Variants in THSD4 observed in about 807,000 individuals in gnomAD.
The protein encoded by THSD4 is thrombospondin type-1 domain-containing protein 4.
In THSD4, 69 loss-of-function variants were observed where a neutral mutation model predicts 119.0. That is an observed-to-expected ratio of 0.58 (90% CI 0.48 to 0.71). The LOEUF is 0.71. THSD4 is among the 30% of genes least tolerant of loss of function. The pLI is 0.00. For synonymous variants in THSD4, 524 were observed against 540.4 expected (o/e 0.97, Z 0.42); for missense variants, 1,393 against 1,391.1 (o/e 1.00, Z -0.02).
At chr15:71,540,979 T>C (rs1054362958) in intron 7 of THSD4, among the ~76,000 whole-genome samples, 34 of 152,282 alleles carry the variant, frequency 2.2e-4, no homozygotes, top group Admixed American at 1.2e-3. Flanking sequence ...CACCTCAGCC[T>C]CCCAAAGTGC....
chr15:71,318,509 T>G (rs1175340392), intron 6 of THSD4, among the ~76,000 whole-genome samples: 1 of 152,196 alleles, frequency 6.6e-6, no homozygotes, highest in Non-Finnish European at 1.5e-5. Flanking sequence ...TAAAGGCTCC[T>G]GGAATAAGTA....
intron 7 of THSD4, among the ~76,000 whole-genome samples, chr15:71,460,649 G>A (rs560273178): frequency 2.0e-4 from 31 of 152,206 alleles, no homozygotes; most frequent in African/African-American, 5.3e-4. Context: ...TTCTCTCGAC[G>A]GGCTGGTAGC....
At chr15:71,659,730 T>C (rs1421931933) in intron 7 of THSD4, among the ~76,000 whole-genome samples, 4 of 152,146 alleles carry the variant, frequency 2.6e-5, no homozygotes, top group Non-Finnish European at 5.9e-5. Flanking sequence ...AATTTGTGTG[T>C]GCGACATAAA....
chr15:71,416,761 A>G (rs373651684), intron 7 of THSD4, among the ~76,000 whole-genome samples: 6 of 25,238 alleles, frequency 2.4e-4, no homozygotes, highest in Admixed American at 6.7e-4. Context: ...ATTTTATTTT[A>G]TTTTATTTTA....
intron 10 of THSD4, among the ~76,000 whole-genome samples, chr15:71,736,389 CTG>C (rs1444133861): frequency 1.3e-5 from 2 of 151,832 alleles, no homozygotes; most frequent in African/African-American, 4.8e-5. Flanking sequence ...CTCTCGCACT[CTG>C]TCTCTCTCGC....
chr15:71,709,347 G>A (rs74025507), intron 8 of THSD4, among the ~76,000 whole-genome samples: 25,770 of 152,154 alleles, frequency 0.17, 2,392 homozygotes, highest in Middle Eastern at 0.22. Flanking sequence ...TTTAGCAGCA[G>A]CACCTGTGTG....
At chr15:71,317,005 G>C (rs576075725) in intron 6 of THSD4, among the ~76,000 whole-genome samples, 1 of 152,332 alleles carries the variant, frequency 6.6e-6, no homozygotes, top group African/African-American at 2.4e-5. Context: ...GTTTTAAAAA[G>C]ATTGGGTGGG....
intron 7 of THSD4, among the ~76,000 whole-genome samples, chr15:71,451,271 A>G (rs1174468401): frequency 6.6e-6 from 1 of 152,200 alleles, no homozygotes; most frequent in Non-Finnish European, 1.5e-5. Flanking sequence ...TAACCTTGTT[A>G]GGCAGATAAA....
Position 71,782,900 on chromosome 15 carries a change from T to C in THSD4, c.*5526T>C, listed in dbSNP as rs1025643336. ...TTTCTCTTTGCTTTGTCCCCGTTGTTAGACTGGCAGCGTCAGTTGCTCGGT... is the reference window on the plus strand; with the variant it reads ...TTTCTCTTTGCTTTGTCCCCGTTGTCAGACTGGCAGCGTCAGTTGCTCGGT... On this transcript the variant is annotated 3_prime_UTR_variant, in exon 18 of 18. Transcript: ENST00000261862. The C allele has an allele frequency of 6.6e-6, 1 of 152,332 alleles. No individual in the cohort carries two copies. Among genetic ancestry groups the C allele is most frequent in the Non-Finnish European group, 1.5e-5 (1 of 68,050 alleles). 9.4% of individuals were successfully genotyped at this position (152,332 alleles called of 1,614,324 possible). A position where few individuals can be genotyped will look rare whatever the true frequency, so the allele number is the denominator to read the frequency against.
chr15:71,393,395 A>G (rs1596396101), intron 6 of THSD4, among the ~76,000 whole-genome samples: 2 of 151,970 alleles, frequency 1.3e-5, no homozygotes, highest in African/African-American at 2.4e-5. Flanking sequence ...ATCACTTTCC[A>G]TACTTGCCAT....
intron 7 of THSD4, among the ~76,000 whole-genome samples, chr15:71,521,202 T>C (rs1254427714): frequency 6.6e-6 from 1 of 152,200 alleles, no homozygotes; most frequent in Non-Finnish European, 1.5e-5. Context: ...TTCTCTCTCT[T>C]TTAATTCCAG....
At chr15:71,498,333 C>T (rs79225110) in intron 7 of THSD4, among the ~76,000 whole-genome samples, 3,163 of 152,238 alleles carry the variant, frequency 0.021, 123 homozygotes, top group African/African-American at 0.072. Context: ...AAGTTGAAAC[C>T]CACAAAACCT....
chr15:71,400,506 C>T (rs1017719538), intron 6 of THSD4, among the ~76,000 whole-genome samples: 27 of 152,168 alleles, frequency 1.8e-4, no homozygotes, highest in African/African-American at 5.5e-4. Context: ...CAAGGGCAGG[C>T]GGATACTTTG....
At chr15:71,359,376 G>A (rs987491634) in intron 6 of THSD4, among the ~76,000 whole-genome samples, 8 of 152,104 alleles carry the variant, frequency 5.3e-5, no homozygotes, top group East Asian at 1.9e-4. Flanking sequence ...CATTACTTAC[G>A]TTATCTCATT....
chr15:71,607,449 C>T (rs1299345884), intron 7 of THSD4, among the ~76,000 whole-genome samples: 1 of 152,212 alleles, frequency 6.6e-6, no homozygotes, highest in Non-Finnish European at 1.5e-5. Flanking sequence ...TCATGCCCAA[C>T]ACTTGAGGAT....
At chr15:71,753,932 A>G (rs919691495) in intron 14 of THSD4, among the ~76,000 whole-genome samples, 1 of 152,150 alleles carries the variant, frequency 6.6e-6, no homozygotes, top group Non-Finnish European at 1.5e-5. Flanking sequence ...GTATATGGGG[A>G]TGTGAAGACA....
At chr15:71,642,564 T>C (rs1013111047) in intron 7 of THSD4, among the ~76,000 whole-genome samples, 1 of 152,142 alleles carries the variant, frequency 6.6e-6, no homozygotes, top group African/African-American at 2.4e-5. Context: ...TGTCCAACAA[T>C]GATAGACTGG....
chr15:71,442,475 A>G (rs576996595), intron 7 of THSD4, among the ~76,000 whole-genome samples: 180 of 148,338 alleles, frequency 1.2e-3, no homozygotes, highest in African/African-American at 4.0e-3. Flanking sequence ...AGGCTGAGGC[A>G]GAAGAATCGC....
chr15:71,241,754 C>G (rs2044155123), intron 4 of THSD4, among the ~76,000 whole-genome samples: 1 of 152,164 alleles, frequency 6.6e-6, no homozygotes, highest in African/African-American at 2.4e-5. Context: ...CCCACCCCAC[C>G]TCAGGGCAGT....
Sources: gnomAD v4.1 joint callset for allele counts (sites outside exome capture counted in the v4.1 genomes callset) on GRCh38, gnomAD v4.1.1 for gene constraint, MANE v1.5 for transcripts, NCBI Gene and HGNC (gene_info 2026-07-23, HGNC 2026-07-21) for gene names.